The following GRIP2 variants were observed in gnomAD, a reference collection of about 807,000 sequenced individuals.
GRIP2 encodes glutamate receptor-interacting protein 2.
GRIP2 carries 58 observed loss-of-function variants against 108.3 expected under a neutral mutation model. That is an observed-to-expected ratio of 0.54 (90% confidence interval 0.43 to 0.67). The LOEUF (loss-of-function observed/expected upper bound fraction) is 0.67, where lower values mean the gene tolerates loss of function less well. GRIP2 is among the 30% of genes least tolerant of loss of function. GRIP2 has a pLI of 0.00. For synonymous variants in GRIP2, 586 were observed against 598.2 expected (o/e 0.98, Z 0.30); for missense variants, 1,278 against 1,430.6 (o/e 0.89, Z 1.72).
intron 1 of GRIP2, among the ~76,000 whole-genome samples, chr3:14,552,634 CTTTT>C (rs35588712): frequency 7.0e-5 from 9 of 129,212 alleles, no homozygotes; most frequent in Non-Finnish European, 1.0e-4. Context: ...CTCTCTCTCT[CTTTT>C]TTTTTTTTTT....
At chr3:14,572,907 C>A in the GRIP2 span, 1 of 1,276,996 alleles carries the variant, frequency 7.8e-7, no homozygotes, top group East Asian at 2.3e-5. Flanking sequence ...GAAGGGGATG[C>A]AGGTGAGGAA....
At chr3:14,566,899 CTGAT>C in the GRIP2 span, among the ~76,000 whole-genome samples, 1 of 152,154 alleles carries the variant, frequency 6.6e-6, no homozygotes, top group African/African-American at 2.4e-5. Context: ...GAGGTCCTTT[CTGAT>C]TATTGGAGGT....
chr3:14,595,122 T>A, the GRIP2 span, among the ~76,000 whole-genome samples: 14 of 152,132 alleles, frequency 9.2e-5, no homozygotes, highest in African/African-American at 3.4e-4. Context: ...GGGCTAGAAC[T>A]CCTGGGCTCA....
chr3:14,582,674 C>T, the GRIP2 span, among the ~76,000 whole-genome samples: 2 of 152,218 alleles, frequency 1.3e-5, no homozygotes, highest in African/African-American at 4.8e-5. Context: ...TTTGTGCATG[C>T]AGTTCCTTGC....
upstream of GRIP2, among the ~76,000 whole-genome samples, chr3:14,543,034 G>C (rs562121261): frequency 1.2e-3 from 186 of 152,314 alleles, no homozygotes; most frequent in African/African-American, 4.2e-3. Context: ...ACTGAGAAGG[G>C]TTTTTTAGAC....
In GRIP2 at chr3:14,517,142, G is replaced by T. The variant is rs77612175; in HGVS notation, c.1228C>A (p.Pro410Thr). ...AFSCNNPSTLPRGSQPMSPRT... is the reference protein window; with the variant it reads ...AFSCNNPSTLTRGSQPMSPRT... ...GGACTCATGGGCTGGGATCCACGGG[G>T]AAGGGTGCTGGGGTTGTTGCAGGAA... The change falls in exon 11 of 24, where the codon CCC (proline) becomes ACC (threonine). Residue 410 changes from proline to threonine, a missense_variant. Coordinates refer to ENST00000621039, the MANE Select transcript of GRIP2 (RefSeq NM_001080423.4). The T allele has an allele frequency of 1.9e-6, 3 of 1,610,686 alleles. No individual in the cohort carries two copies. Among genetic ancestry groups the T allele is most frequent in the Non-Finnish European group, 2.5e-6 (3 of 1,178,804 alleles).
the GRIP2 span, among the ~76,000 whole-genome samples, chr3:14,569,877 G>C: frequency 6.6e-6 from 1 of 152,082 alleles, no homozygotes. Flanking sequence ...GGCAGAAGTC[G>C]AGCCAGGCCC....
chr3:14,569,931 A>G, the GRIP2 span, among the ~76,000 whole-genome samples: 7 of 152,216 alleles, frequency 4.6e-5, no homozygotes, highest in South Asian at 2.1e-4. Context: ...AACTCTCACA[A>G]AAACCTTTGC....
Position 14,520,038 on chromosome 3 carries a change from G to A in GRIP2, c.1030+72C>T, listed in dbSNP as rs545852901. Reference sequence around the variant, plus strand: ...GCCTGCTCCTCCCAGCCTGCCCAGGGCTCTGGTCCCAGGCCTCTCAGGCCT... The same window carrying A: ...GCCTGCTCCTCCCAGCCTGCCCAGGACTCTGGTCCCAGGCCTCTCAGGCCT... On this transcript the variant is annotated intron_variant, in intron 9 of 23. Transcript: ENST00000621039. 1,481 of 1,417,560 alleles carry A rather than the reference G, an allele frequency of 1.0e-3. 39 individuals are homozygous for A. In the South Asian group the frequency reaches 0.019, roughly 18 times the overall value. The allele number at this position is 1,417,560 out of a possible 1,614,324, so 87.8% of individuals were successfully genotyped here.
chr3:14,492,561 A>G lies in GRIP2; in HGVS notation c.*1104T>C, dbSNP rs1388823134. On this transcript the variant is annotated 3_prime_UTR_variant, in exon 24 of 24. Transcript: ENST00000621039. ...TGAATAAGCACTTTGGACACCCTCC[A>G]CTGGGCAAGAGTGTCCCATCTTTTT... 1 of 152,258 alleles carries G rather than the reference A, an allele frequency of 6.6e-6. No individual in the cohort carries two copies. Among genetic ancestry groups the G allele is most frequent in the Non-Finnish European group, 1.5e-5 (1 of 68,054 alleles). 9.4% of individuals were successfully genotyped at this position (152,258 alleles called of 1,614,324 possible).
At position 14,512,982 on chromosome 3, in the gene GRIP2, C is replaced by G; in HGVS notation, c.1640-125G>C. Reference sequence around the variant, plus strand: ...AAAGTCACAGTTCTAATCTCATCCCCCTGCTTCCTCTCAACAGAGGAGGAA... The same window carrying G: ...AAAGTCACAGTTCTAATCTCATCCCGCTGCTTCCTCTCAACAGAGGAGGAA... On this transcript the variant is annotated intron_variant, in intron 13 of 23. Coordinates refer to ENST00000621039, the MANE Select transcript of GRIP2 (RefSeq NM_001080423.4). This position sits in a 1 kb window ranked among gnomAD's most constrained non-coding sequence, Gnocchi z 5.1. 3.9e-6 allele frequency: 3 copies of G among 774,556 alleles called. No homozygotes were observed. Among genetic ancestry groups the G allele is most frequent in the Non-Finnish European group, 6.6e-6 (3 of 453,862 alleles). The allele number at this position is 774,556 out of a possible 1,614,324, so 48.0% of individuals were successfully genotyped here.
chr3:14,589,112 C>T, the GRIP2 span, among the ~76,000 whole-genome samples: 1 of 152,248 alleles, frequency 6.6e-6, no homozygotes, highest in Admixed American at 6.5e-5. Flanking sequence ...TAAACTGGAA[C>T]AGCCTTCTTG....
At chr3:14,590,392 A>T in the GRIP2 span, among the ~76,000 whole-genome samples, 6 of 152,090 alleles carry the variant, frequency 3.9e-5, no homozygotes, top group African/African-American at 1.2e-4. Context: ...GAACCTTCTG[A>T]ATGATTTCTT....
At position 14,489,401 on chromosome 3, in the gene GRIP2, C is replaced by A. The variant is rs781640715; in HGVS notation, c.*4264G>T. The A allele has an allele frequency of 6.6e-6, 1 of 152,546 alleles. No homozygotes were observed. Among genetic ancestry groups the A allele is most frequent in the Non-Finnish European group, 1.5e-5 (1 of 68,028 alleles). 9.4% of individuals were successfully genotyped at this position (152,546 alleles called of 1,614,324 possible). A position where few individuals can be genotyped will look rare whatever the true frequency, so the allele number is the denominator to read the frequency against. On this transcript the variant is annotated 3_prime_UTR_variant, in exon 24 of 24. Coordinates refer to ENST00000621039, the MANE Select transcript of GRIP2 (RefSeq NM_001080423.4). ...TATTTCCCCCTCAACGTTTGCCAAA[C>A]GCTTTACATTTTATAAAGGGCTTCC... is the stretch of plus-strand genomic sequence containing the variant.
intron 10 of GRIP2, 78 bp from the exon 11 acceptor site, chr3:14,517,291 A>C: frequency 1.4e-6 from 2 of 1,415,924 alleles, no homozygotes; most frequent in Non-Finnish European, 1.9e-6. Flanking sequence ...CTGGGAAGCC[A>C]CCCAACCACA....
At chr3:14,503,422 T>C in intron 21 of GRIP2, 144 bp downstream of exon 21, 2 of 626,248 alleles carry the variant, frequency 3.2e-6, no homozygotes, top group East Asian at 5.6e-5. Context: ...GAAGACACCT[T>C]TTCCCACAGG....
chr3:14,529,027 T>C (rs1323988802), intron 1 of GRIP2, among the ~76,000 whole-genome samples: 3 of 151,546 alleles, frequency 2.0e-5, no homozygotes, highest in Admixed American at 6.6e-5. Context: ...TCCCAGCACT[T>C]TGGGAGGCCA....
intron 22 of GRIP2, among the ~76,000 whole-genome samples, chr3:14,496,103 C>T (rs1462966857): frequency 6.6e-6 from 1 of 152,042 alleles, no homozygotes; most frequent in African/African-American, 2.4e-5. Context: ...CATGATCGAG[C>T]AACTGCACTC....
the GRIP2 span, among the ~76,000 whole-genome samples, chr3:14,583,522 C>G: frequency 2.6e-5 from 4 of 152,340 alleles, no homozygotes; most frequent in East Asian, 7.7e-4. Flanking sequence ...CAGAGCTCAG[C>G]TGGCAGGCCG....
Sources: gnomAD v4.1 joint callset for allele counts (sites outside exome capture counted in the v4.1 genomes callset) on GRCh38, gnomAD v4.1.1 for gene constraint, Gnocchi (gnomAD v3.1) non-coding constraint, MANE v1.5 for transcripts, NCBI Gene and HGNC (gene_info 2026-07-23, HGNC 2026-07-21) for gene names.